The following RTN1 variants were observed in gnomAD, a reference collection of about 807,000 sequenced individuals.
RTN1 encodes reticulon 1.
A neutral mutation model predicts 65.5 loss-of-function variants in RTN1; 25 were observed. The observed-to-expected ratio is 0.38, with a 90% CI of 0.28 to 0.53. RTN1 has a LOEUF of 0.53. Ranked by LOEUF, RTN1 falls within the 20% of genes least tolerant of loss-of-function variation. The pLI, the probability that RTN1 is intolerant of heterozygous loss-of-function variation, is 0.79. For missense variants in RTN1, 983 were observed against 1,025.4 expected, an observed-to-expected ratio of 0.96 and a Z score of 0.57; for synonymous variants, 471 against 447.6, an observed-to-expected ratio of 1.05 and a Z score of -0.66.
intron 3 of RTN1, among the ~76,000 whole-genome samples, chr14:59,612,782 C>A (rs891549108): frequency 1.3e-5 from 2 of 152,140 alleles, no homozygotes; most frequent in African/African-American, 4.8e-5. Flanking sequence ...ATCCAGAGGA[C>A]AGGAATTTTG....
chr14:59,773,259 C>T (rs192489792), intron 1 of RTN1, among the ~76,000 whole-genome samples: 8 of 151,954 alleles, frequency 5.3e-5, no homozygotes, highest in African/African-American at 1.9e-4. Flanking sequence ...TATTACCGTG[C>T]CCAGTTAGTT....
At chr14:59,676,923 A>G (rs1164996454) in intron 3 of RTN1, among the ~76,000 whole-genome samples, 2 of 152,170 alleles carry the variant, frequency 1.3e-5, no homozygotes, top group Admixed American at 6.5e-5. Flanking sequence ...TGGTAGCCCA[A>G]AGAGGTTTTC....
intron 8 of RTN1, among the ~76,000 whole-genome samples, chr14:59,598,504 G>A (rs1421756368): frequency 6.6e-6 from 1 of 152,172 alleles, no homozygotes; most frequent in South Asian, 2.1e-4. Flanking sequence ...GGAGACACAA[G>A]TTTGCAGCCC....
At chr14:59,723,478 G>A (rs1003399825) in intron 3 of RTN1, among the ~76,000 whole-genome samples, 1 of 151,400 alleles carries the variant, frequency 6.6e-6, no homozygotes. Context: ...GCCGGGCGTG[G>A]TGGTGGTGGG....
intron 3 of RTN1, among the ~76,000 whole-genome samples, chr14:59,652,781 C>T (rs1176990043): frequency 6.6e-6 from 1 of 151,804 alleles, no homozygotes; most frequent in East Asian, 1.9e-4. Flanking sequence ...ATATAGCAAA[C>T]CTGCACATGT....
intron 1 of RTN1, among the ~76,000 whole-genome samples, chr14:59,866,887 TAGA>T (rs1306320732): frequency 1.3e-5 from 2 of 152,186 alleles, no homozygotes; most frequent in African/African-American, 4.8e-5. Flanking sequence ...AAATGGAATT[TAGA>T]AGATGTTTTT....
intron 3 of RTN1, among the ~76,000 whole-genome samples, chr14:59,610,978 G>T (rs1881930132): frequency 6.6e-6 from 1 of 152,118 alleles, no homozygotes. Context: ...TTTCATCTCT[G>T]ACCAATCAGC....
intron 3 of RTN1, among the ~76,000 whole-genome samples, chr14:59,649,154 G>A (rs893897480): frequency 1.3e-5 from 2 of 152,178 alleles, no homozygotes; most frequent in African/African-American, 4.8e-5. Flanking sequence ...ACAAGCAATG[G>A]GGAAAGGATG....
At chr14:59,869,427 A>T (rs1887851537) in intron 1 of RTN1, among the ~76,000 whole-genome samples, 1 of 152,122 alleles carries the variant, frequency 6.6e-6, no homozygotes, top group Non-Finnish European at 1.5e-5. Context: ...CCCTGGAAAC[A>T]GCGTTAACCA....
chr14:59,610,606 C>T (rs1340242703), intron 3 of RTN1, among the ~76,000 whole-genome samples: 16 of 152,196 alleles, frequency 1.1e-4, no homozygotes, highest in Admixed American at 1.0e-3. Context: ...CCAAGCTGTC[C>T]TTGTTCATTC....
Position 59,624,229 on chromosome 14 carries a change from A to G in RTN1, c.1766-16737T>C, listed in dbSNP as rs1003960357. Among the ~76,000 whole-genome samples the G allele has an allele frequency of 4.6e-5, 7 of 152,240 alleles. 1 individual carries two copies. On this transcript the variant is annotated intron_variant, in intron 3 of 8. Transcript: ENST00000267484. ...GATATAGCTCAAACATACTTTGGAAAAATAGAACACTATACTTTTAAGTTG... is the reference window on the plus strand; with the variant it reads ...GATATAGCTCAAACATACTTTGGAAGAATAGAACACTATACTTTTAAGTTG...
chr14:59,707,623 T>C (rs143363494), intron 3 of RTN1, among the ~76,000 whole-genome samples: 26 of 152,162 alleles, frequency 1.7e-4, no homozygotes, highest in African/African-American at 6.3e-4. Flanking sequence ...GTCAGCATCA[T>C]TTGAAATAAG....
intron 3 of RTN1, among the ~76,000 whole-genome samples, chr14:59,610,716 G>A (rs1459316310): frequency 6.6e-6 from 1 of 152,168 alleles, no homozygotes; most frequent in Admixed American, 6.5e-5. Flanking sequence ...CTTGCCTGGG[G>A]ACTAGATTGC....
intron 1 of RTN1, among the ~76,000 whole-genome samples, chr14:59,749,198 C>CTA (rs1195401902): frequency 1.1e-4 from 5 of 45,152 alleles, no homozygotes; most frequent in Non-Finnish European, 1.9e-4. Context: ...CTATATATAT[C>CTA]TATATATATA....
intron 3 of RTN1, among the ~76,000 whole-genome samples, chr14:59,638,009 G>A (rs1276195603): frequency 6.6e-6 from 1 of 151,892 alleles, no homozygotes; most frequent in East Asian, 2.0e-4. Flanking sequence ...CTGCCACCAC[G>A]CCCAGCTAAT....
intron 1 of RTN1, among the ~76,000 whole-genome samples, chr14:59,843,461 A>C (rs1887350985): frequency 6.6e-6 from 1 of 152,250 alleles, no homozygotes; most frequent in African/African-American, 2.4e-5. Flanking sequence ...ATTACATCTC[A>C]GCATTTTTAA....
At chr14:59,804,446 T>C (rs1347796858) in intron 1 of RTN1, among the ~76,000 whole-genome samples, 3 of 152,188 alleles carry the variant, frequency 2.0e-5, no homozygotes, top group Non-Finnish European at 4.4e-5. Flanking sequence ...ATAGAAACCC[T>C]TAATGCCACA....
intron 1 of RTN1, among the ~76,000 whole-genome samples, chr14:59,789,916 T>C (rs994574948): frequency 1.2e-4 from 18 of 152,050 alleles, no homozygotes; most frequent in Non-Finnish European, 2.9e-5. Context: ...TTGTGTTATA[T>C]GCACAAAATT....
At chr14:59,672,733 C>T (rs920587815) in intron 3 of RTN1, among the ~76,000 whole-genome samples, 19 of 146,380 alleles carry the variant, frequency 1.3e-4, no homozygotes, top group Non-Finnish European at 2.2e-4. Context: ...CTCCGCTTCC[C>T]GGGTTCACGC....
Sources: allele counts gnomAD v4.1 joint callset (sites outside exome capture counted in the v4.1 genomes callset), GRCh38; gene constraint gnomAD v4.1.1; transcripts MANE v1.5; gene names NCBI Gene and HGNC (gene_info 2026-07-23, HGNC 2026-07-21).